TBC1D21: variants seen among roughly 807,000 people sequenced by gnomAD.
The protein encoded by TBC1D21 is male germ cell Rab GTPase-activating protein.
In TBC1D21, 38 loss-of-function variants were observed where a neutral mutation model predicts 46.0. The observed-to-expected ratio is 0.83, with a 90% CI of 0.64 to 1.08. TBC1D21 has a LOEUF of 1.08. Among genes scored for constraint, TBC1D21 ranks in the 50% least tolerant of loss-of-function variants. TBC1D21 has a pLI of 0.00. For missense variants in TBC1D21, 415 were observed against 417.9 expected (o/e 0.99, Z 0.06); for synonymous variants, 151 against 157.2 (o/e 0.96, Z 0.29).
chr15:73,897,828 G>C, the TBC1D21 span, among the ~76,000 whole-genome samples: 3 of 152,226 alleles, frequency 2.0e-5, no homozygotes, highest in African/African-American at 7.2e-5. Context: ...AAATTTGATG[G>C]GGAAGGAGCC....
At chr15:73,881,776 G>A (rs1189017223) in intron 3 of TBC1D21, 29 bp downstream of exon 3, 1 of 1,601,738 alleles carries the variant, frequency 6.2e-7, no homozygotes, top group East Asian at 2.2e-5. Flanking sequence ...TGCTGGGACA[G>A]GAGGGGGGCC....
downstream of TBC1D21, among the ~76,000 whole-genome samples, chr15:73,893,712 C>A (rs906799099): frequency 2.6e-5 from 4 of 152,300 alleles, no homozygotes; most frequent in South Asian, 8.3e-4. Flanking sequence ...CACCTACCCT[C>A]AGGCTTGCCA....
the TBC1D21 span, among the ~76,000 whole-genome samples, chr15:73,895,291 G>A: frequency 2.6e-5 from 4 of 152,162 alleles, no homozygotes; most frequent in African/African-American, 7.2e-5. Context: ...GAGTGATTAC[G>A]GACCAGAGAG....
At chr15:73,891,449 G>T (rs990977397), downstream of TBC1D21, among the ~76,000 whole-genome samples, 6 of 152,204 alleles carry the variant, frequency 3.9e-5, no homozygotes, top group Non-Finnish European at 8.8e-5. Flanking sequence ...CGCAGTGAGG[G>T]CTGCATGCTC....
intron 1 of TBC1D21, among the ~76,000 whole-genome samples, chr15:73,876,198 G>GGGTTTTTTGTTTTTTT (rs368540542): frequency 3.3e-4 from 3 of 9,154 alleles, no homozygotes; most frequent in Non-Finnish European, 6.8e-4. Flanking sequence ...TTTTTTTGTG[G>GGGTTTTTTGTTTTTTT]GTTTTTTTTT....
the TBC1D21 span, among the ~76,000 whole-genome samples, chr15:73,896,319 GCGAGGAGGAAA>G: frequency 1.5e-5 from 1 of 68,902 alleles, no homozygotes; most frequent in Non-Finnish European, 4.1e-5. Context: ...GGAAGTCATG[GCGAGGAGGAAA>G]ATAGTGACGC....
At position 73,881,687 on chromosome 15, in the gene TBC1D21, C is replaced by G. The variant is rs760609916; in HGVS notation, c.212C>G (p.Thr71Arg). Residue 71 changes from threonine to arginine, a missense_variant, in exon 3 of 11, where the codon ACG becomes AGG. Thr to Arg is a moderately conservative substitution (Grantham distance 71). Transcript: ENST00000300504. Reference protein sequence around the residue: ...FVRTEAWKFLTGYFSWQSSQD... With the variant: ...FVRTEAWKFLRGYFSWQSSQD... ...AGGACTGAAGCCTGGAAATTCCTCA[C>G]GGGCTACTTCTCATGGCAGAGTTCC... is the stretch of plus-strand genomic sequence containing the variant. The G allele has an allele frequency of 1.9e-6, 3 of 1,613,756 alleles. No individual in the cohort carries two copies. Among genetic ancestry groups the G allele is most frequent in the South Asian group, 2.2e-5 (2 of 91,038 alleles).
At chr15:73,875,841 G>A (rs920783568) in intron 1 of TBC1D21, among the ~76,000 whole-genome samples, 1 of 152,160 alleles carries the variant, frequency 6.6e-6, no homozygotes, top group Non-Finnish European at 1.5e-5. Context: ...TATGGAAAAG[G>A]GTGTTATTAG....
intron 6 of TBC1D21, 84 bp downstream of exon 6, chr15:73,885,187 T>G: frequency 8.0e-7 from 1 of 1,256,970 alleles, no homozygotes; most frequent in South Asian, 1.2e-5. Context: ...GGGCAGGCAT[T>G]GGCCACCCCA....
intron 6 of TBC1D21, 29 bp downstream of exon 6, chr15:73,885,132 C>T (rs759178156): frequency 2.6e-5 from 41 of 1,592,376 alleles, no homozygotes; most frequent in Non-Finnish European, 1.4e-5. Context: ...CTCAGGGACG[C>T]CCCTCCCCAA....
downstream of TBC1D21, among the ~76,000 whole-genome samples, chr15:73,890,863 C>T (rs538864617): frequency 5.3e-4 from 80 of 152,274 alleles, no homozygotes; most frequent in Non-Finnish European, 7.9e-4. Flanking sequence ...CCCTCTCCCC[C>T]GACCACCCCT....
chr15:73,901,522 G>C, the TBC1D21 span, among the ~76,000 whole-genome samples: 1 of 152,226 alleles, frequency 6.6e-6, no homozygotes, highest in Admixed American at 6.5e-5. Context: ...CCACAAACTT[G>C]GTGGCTTAAC....
At chr15:73,893,552 C>T (rs2068353395), downstream of TBC1D21, among the ~76,000 whole-genome samples, 1 of 152,172 alleles carries the variant, frequency 6.6e-6, no homozygotes, top group South Asian at 2.1e-4. Flanking sequence ...ATTGAATGAC[C>T]CCAAGGCCAC....
the TBC1D21 span, among the ~76,000 whole-genome samples, chr15:73,896,407 G>T: frequency 1.3e-5 from 2 of 151,680 alleles, no homozygotes; most frequent in East Asian, 3.9e-4. Flanking sequence ...GATCAAGGTG[G>T]CGGCTCAAGT....
chr15:73,884,939 A>G, intron 5 of TBC1D21, 48 bp downstream of exon 5: 2 of 1,610,650 alleles, frequency 1.2e-6, no homozygotes, highest in Non-Finnish European at 1.7e-6. Flanking sequence ...ACCTGGCCCA[A>G]CCTAAGCCAA....
intron 1 of TBC1D21, among the ~76,000 whole-genome samples, chr15:73,879,120 A>T (rs1595819170): frequency 6.6e-6 from 1 of 152,208 alleles, no homozygotes; most frequent in African/African-American, 2.4e-5. Flanking sequence ...ATCCATTTCC[A>T]TCAAATATAC....
chr15:73,899,196 C>G, the TBC1D21 span, among the ~76,000 whole-genome samples: 74 of 152,160 alleles, frequency 4.9e-4, no homozygotes, highest in East Asian at 2.7e-3. Flanking sequence ...GTCTGATGAG[C>G]TTCAGTTTCT....
the TBC1D21 span, among the ~76,000 whole-genome samples, chr15:73,905,252 T>C: frequency 6.6e-6 from 1 of 152,260 alleles, no homozygotes; most frequent in Non-Finnish European, 1.5e-5. Flanking sequence ...CCCTCAGTAA[T>C]TCAATAATGC....
At chr15:73,901,276 A>G in the TBC1D21 span, among the ~76,000 whole-genome samples, 5 of 152,190 alleles carry the variant, frequency 3.3e-5, no homozygotes, top group South Asian at 4.1e-4. Context: ...GCCTCATCCA[A>G]TGATTGTGTA....
Sources: gnomAD v4.1 joint callset for allele counts (sites outside exome capture counted in the v4.1 genomes callset) on GRCh38, gnomAD v4.1.1 for gene constraint, MANE v1.5 for transcripts, NCBI Gene and HGNC (gene_info 2026-07-23, HGNC 2026-07-21) for gene names.